The following EPHA6 variants were observed in gnomAD, a reference collection of about 807,000 sequenced individuals.
EPHA6 encodes the protein ephrin type-A receptor 6.
In EPHA6, 50 loss-of-function variants were observed where a neutral mutation model predicts 112.0. That is an observed-to-expected ratio of 0.45 (90% CI 0.36 to 0.56). The LOEUF (loss-of-function observed/expected upper bound fraction) is 0.56. Among genes scored for constraint, EPHA6 ranks in the 20% least tolerant of loss-of-function variants. The probability of loss-of-function intolerance (pLI) is 0.00; values close to 1 mark genes in which losing one functional copy is unlikely to be tolerated. For synonymous variants in EPHA6, 529 were observed against 490.7 expected, an observed-to-expected ratio of 1.08 and a Z score of -1.03; for missense variants, 1,280 against 1,417.4, an observed-to-expected ratio of 0.90 and a Z score of 1.56.
chr3:97,752,271 C>G lies in EPHA6; in HGVS notation c.*3570C>G, dbSNP rs1190218777. The G allele has an allele frequency of 4.5e-6, 1 of 223,012 alleles. No individual in the cohort carries two copies. The highest frequency in any genetic ancestry group is 5.7e-5 in the Admixed American group (1 of 17,466). 13.8% of individuals were successfully genotyped at this position (223,012 alleles called of 1,614,324 possible). A position where few individuals can be genotyped will look rare whatever the true frequency, so the allele number is the denominator to read the frequency against. ...TTGAAAAGCAAAGGCTCTAAAGAAG[C>G]TCTTCAGAAGAGACGGTAAAGAATG... On this transcript the variant is annotated 3_prime_UTR_variant, in exon 18 of 18. Coordinates refer to ENST00000389672, the MANE Select transcript of EPHA6 (RefSeq NM_001080448.3).
intron 3 of EPHA6, among the ~76,000 whole-genome samples, chr3:97,070,441 A>G (rs1387377137): frequency 6.6e-6 from 1 of 152,146 alleles, no homozygotes; most frequent in East Asian, 1.9e-4. Context: ...ATGGGAGGCC[A>G]TGAGGGCTAC....
intron 11 of EPHA6, among the ~76,000 whole-genome samples, chr3:97,565,647 G>A (rs367970169): frequency 2.6e-5 from 4 of 152,116 alleles, no homozygotes; most frequent in Non-Finnish European, 5.9e-5. Context: ...GTAAATACTG[G>A]AAGATAATTT....
chr3:97,470,793 C>T (rs2091207199), intron 7 of EPHA6, among the ~76,000 whole-genome samples: 1 of 151,542 alleles, frequency 6.6e-6, no homozygotes, highest in South Asian at 2.1e-4. Context: ...AGGAAGTATA[C>T]TTCTTCCCAA....
At position 97,753,624 on chromosome 3, in the gene EPHA6, T is replaced by G. The variant is rs554644282; in HGVS notation, c.*4923T>G. 3.0e-4 allele frequency among the ~76,000 whole-genome samples: 46 copies of G among 152,300 alleles called. No homozygotes were observed. The highest frequency in any genetic ancestry group is 3.4e-3 in the Middle Eastern group (1 of 294). ...GCCTCCTGTTAGAAAACATTAGCTT[T>G]TTTTCAAGAGCAATTCTGGAGTAAT... is the stretch of plus-strand genomic sequence containing the variant. On this transcript the variant is annotated 3_prime_UTR_variant, in exon 18 of 18. Coordinates refer to ENST00000389672, the MANE Select transcript of EPHA6 (RefSeq NM_001080448.3).
At chr3:97,554,541 A>G (rs566565518) in intron 11 of EPHA6, among the ~76,000 whole-genome samples, 24 of 152,252 alleles carry the variant, frequency 1.6e-4, no homozygotes, top group African/African-American at 5.5e-4. Flanking sequence ...AAATGGCAAT[A>G]CAAAGCTTTT....
At chr3:97,072,335 G>A (rs994953814) in intron 3 of EPHA6, among the ~76,000 whole-genome samples, 8 of 152,016 alleles carry the variant, frequency 5.3e-5, no homozygotes, top group South Asian at 2.1e-4. Flanking sequence ...CCCCAATCCC[G>A]TATGACTGGT....
chr3:97,079,477 C>G (rs1321436644), intron 3 of EPHA6, among the ~76,000 whole-genome samples: 1 of 151,452 alleles, frequency 6.6e-6, no homozygotes, highest in African/African-American at 2.4e-5. Flanking sequence ...GGGAGAGGAT[C>G]AGGAAAAACA....
chr3:97,478,689 A>C (rs2091445891), intron 8 of EPHA6, among the ~76,000 whole-genome samples: 1 of 152,176 alleles, frequency 6.6e-6, no homozygotes, highest in African/African-American at 2.4e-5. Flanking sequence ...ATAAATGCTC[A>C]ACTTGCCATA....
intron 3 of EPHA6, among the ~76,000 whole-genome samples, chr3:97,163,332 C>T (rs903460013): frequency 2.0e-5 from 3 of 152,060 alleles, no homozygotes; most frequent in Admixed American, 6.6e-5. Flanking sequence ...GCAAACAAAC[C>T]ATTAGCAAAC....
At chr3:97,547,963 G>T (rs1392012169) in intron 11 of EPHA6, among the ~76,000 whole-genome samples, 1 of 152,208 alleles carries the variant, frequency 6.6e-6, no homozygotes, top group Non-Finnish European at 1.5e-5. Flanking sequence ...GGTGCCGTTT[G>T]TCACCCCTTT....
At chr3:97,166,445 T>G (rs57210877) in intron 3 of EPHA6, among the ~76,000 whole-genome samples, 2,980 of 152,086 alleles carry the variant, frequency 0.02, 123 homozygotes, top group African/African-American at 0.067. Context: ...GCCTGTGATC[T>G]TATGTATCAC....
chr3:96,932,943 T>A (rs543965817), intron 2 of EPHA6, among the ~76,000 whole-genome samples: 6 of 152,100 alleles, frequency 3.9e-5, no homozygotes, highest in Admixed American at 3.9e-4. Context: ...TACTATAGGA[T>A]TTTTAAAGGG....
chr3:97,303,405 G>A (rs1363895326), intron 5 of EPHA6, among the ~76,000 whole-genome samples: 5 of 152,030 alleles, frequency 3.3e-5, no homozygotes, highest in South Asian at 2.1e-4. Flanking sequence ...GTATTAGTCC[G>A]AGTTTTCCAG....
intron 3 of EPHA6, among the ~76,000 whole-genome samples, chr3:97,040,874 G>A (rs1035287283): frequency 6.6e-6 from 1 of 151,928 alleles, no homozygotes; most frequent in Admixed American, 6.6e-5. Context: ...TAATTCTGAT[G>A]TTTAGAATTT....
chr3:97,462,902 G>A (rs1380493524), intron 7 of EPHA6, among the ~76,000 whole-genome samples: 2 of 152,086 alleles, frequency 1.3e-5, no homozygotes, highest in African/African-American at 4.8e-5. Context: ...TTTGGCACGT[G>A]CCTCTTTTTT....
intron 14 of EPHA6, among the ~76,000 whole-genome samples, chr3:97,716,150 A>G (rs973297584): frequency 2.0e-5 from 3 of 152,228 alleles, no homozygotes; most frequent in Non-Finnish European, 4.4e-5. Flanking sequence ...TCTGGTGGTT[A>G]ATGCTTTAAG....
intron 5 of EPHA6, among the ~76,000 whole-genome samples, chr3:97,350,597 CA>C (rs1212845116): frequency 6.6e-6 from 1 of 152,112 alleles, no homozygotes; most frequent in Non-Finnish European, 1.5e-5. Flanking sequence ...AAAACCTCAG[CA>C]CACATCTAGT....
At chr3:97,574,376 C>A (rs2093363160) in intron 11 of EPHA6, among the ~76,000 whole-genome samples, 1 of 152,070 alleles carries the variant, frequency 6.6e-6, no homozygotes, top group African/African-American at 2.4e-5. Flanking sequence ...GGGAGTAACA[C>A]TTAAGCAGAG....
intron 5 of EPHA6, among the ~76,000 whole-genome samples, chr3:97,324,881 C>T (rs963949639): frequency 1.1e-4 from 17 of 152,050 alleles, no homozygotes; most frequent in Admixed American, 1.1e-3. Flanking sequence ...GATGAATTTA[C>T]ACTGATGTGT....
Sources: allele counts gnomAD v4.1 joint callset (sites outside exome capture counted in the v4.1 genomes callset), GRCh38; gene constraint gnomAD v4.1.1; transcripts MANE v1.5; gene names NCBI Gene and HGNC (gene_info 2026-07-23, HGNC 2026-07-21).